The following FCHSD2 variants were observed in gnomAD, a reference collection of about 807,000 sequenced individuals.
FCHSD2 encodes the protein F-BAR and double SH3 domains protein 2.
FCHSD2 carries 38 observed loss-of-function variants against 108.1 expected under a neutral mutation model. That is an observed-to-expected ratio of 0.35 (90% CI 0.27 to 0.46). FCHSD2 has a LOEUF of 0.46. Ranked by LOEUF, FCHSD2 falls within the 20% of genes least tolerant of loss-of-function variation. The pLI is 1.00. For synonymous variants in FCHSD2, 279 were observed against 314.7 expected, an observed-to-expected ratio of 0.89 and a Z score of 1.20; for missense variants, 751 against 897.8, an observed-to-expected ratio of 0.84 and a Z score of 2.09.
At chr11:72,846,662 G>A (rs1386160688) in intron 14 of FCHSD2, among the ~76,000 whole-genome samples, 1 of 152,098 alleles carries the variant, frequency 6.6e-6, no homozygotes, top group African/African-American at 2.4e-5. Context: ...CTCTCATACT[G>A]TCTCCTTAAG....
intron 8 of FCHSD2, among the ~76,000 whole-genome samples, chr11:72,971,102 T>C (rs557767739): frequency 3.9e-5 from 6 of 152,266 alleles, no homozygotes; most frequent in Admixed American, 3.9e-4. Flanking sequence ...GCAAACTAAA[T>C]GCTGTTGTTT....
chr11:73,053,998 GA>G, intron 3 of FCHSD2, among the ~76,000 whole-genome samples: 1 of 152,216 alleles, frequency 6.6e-6, no homozygotes, highest in East Asian at 1.9e-4. Flanking sequence ...AATTTTAAGG[GA>G]AAAGGGGGGA....
At chr11:72,844,471 T>C (rs1861064127) in intron 14 of FCHSD2, among the ~76,000 whole-genome samples, 1 of 152,194 alleles carries the variant, frequency 6.6e-6, no homozygotes. Flanking sequence ...CTGCTAACCA[T>C]AATGGTTTTA....
rs570830672 is a variant in FCHSD2 at position 72,945,653 on chromosome 11, G to T, written c.706-23703C>A. Among the ~76,000 whole-genome samples, 15 of 152,220 alleles carry T rather than the reference G, an allele frequency of 9.9e-5. No individual in the cohort carries two copies. The South Asian group carries it at 2.9e-3, about 29-fold the overall frequency. On this transcript the variant is annotated intron_variant, in intron 8 of 19. Coordinates refer to ENST00000409418, the MANE Select transcript of FCHSD2 (RefSeq NM_014824.3). ...GAATATTTTTGCAATCTACTCATCTGACAAAGGGCTAATATCTAGAATCTA... is the reference window on the plus strand; with the variant it reads ...GAATATTTTTGCAATCTACTCATCTTACAAAGGGCTAATATCTAGAATCTA...
intron 2 of FCHSD2, among the ~76,000 whole-genome samples, chr11:73,084,446 G>A (rs368406708): frequency 9.2e-5 from 14 of 151,930 alleles, no homozygotes; most frequent in African/African-American, 2.9e-4. Flanking sequence ...GCTTGAGTGC[G>A]GCGGTGAGGT....
intron 8 of FCHSD2, among the ~76,000 whole-genome samples, chr11:72,935,221 G>C (rs777231959): frequency 1.3e-5 from 2 of 152,164 alleles, no homozygotes; most frequent in Non-Finnish European, 2.9e-5. Flanking sequence ...TGAAGAAGAA[G>C]ATTATGATGA....
Position 72,841,374 on chromosome 11 carries a change from G to GT in FCHSD2, c.2056+79dup, listed in dbSNP as rs201145516. ...AAAAAAAAAAAAAAAAGCAAATGCAGTTTTTTTTTGCCCTTCAGGCGAATA... is the reference window on the plus strand; with the variant it reads ...AAAAAAAAAAAAAAAAGCAAATGCAGTTTTTTTTTTGCCCTTCAGGCGAATA... On this transcript the variant is annotated intron_variant, in intron 18 of 19. Transcript: ENST00000409418. 7.3e-3 allele frequency: 5,491 copies of GT among 751,772 alleles called. 35 individuals are homozygous for GT. Among genetic ancestry groups the GT allele is most frequent in the East Asian group, 0.034 (911 of 26,506 alleles). The allele number at this position is 751,772 out of a possible 1,614,324, so 46.6% of individuals were successfully genotyped here. A position where few individuals can be genotyped will look rare whatever the true frequency, so the allele number is the denominator to read the frequency against.
chr11:72,846,175 T>C lies in FCHSD2; in HGVS notation c.1444-2643A>G, dbSNP rs558901959. ...TCATGATGAGTAAGCTGCTCCTCCT[T>C]TTGCTCTTTTTTTTTTTTTTTTTGA... On this transcript the variant is annotated intron_variant, in intron 14 of 19. Transcript: ENST00000409418. Among the ~76,000 whole-genome samples, 19 of 151,730 alleles carry C rather than the reference T, an allele frequency of 1.3e-4. No individual in the cohort carries two copies. In the East Asian group the frequency reaches 1.9e-3, roughly 15 times the overall value.
intron 8 of FCHSD2, among the ~76,000 whole-genome samples, chr11:72,947,372 A>G (rs1427999540): frequency 1.3e-5 from 2 of 152,218 alleles, no homozygotes; most frequent in Non-Finnish European, 2.9e-5. Context: ...TGGTTGATCT[A>G]CAAAAATCCA....
chr11:72,898,857 G>C (rs996137712), intron 10 of FCHSD2, among the ~76,000 whole-genome samples: 2 of 151,756 alleles, frequency 1.3e-5, no homozygotes, highest in African/African-American at 4.8e-5. Context: ...AGCTTCCTGA[G>C]TAGCAGGGAC....
chr11:72,857,136 G>C (rs1183833433), intron 13 of FCHSD2, among the ~76,000 whole-genome samples: 1 of 152,134 alleles, frequency 6.6e-6, no homozygotes, highest in Non-Finnish European at 1.5e-5. Flanking sequence ...CCCATGGAAG[G>C]CAGTAAGAAG....
chr11:73,005,543 C>T (rs1177517022), intron 4 of FCHSD2, among the ~76,000 whole-genome samples: 1 of 152,230 alleles, frequency 6.6e-6, no homozygotes, highest in Admixed American at 6.5e-5. Context: ...ATCTCACTGT[C>T]CCATAAATAC....
chr11:73,111,894 C>T (rs1860495059), intron 2 of FCHSD2, among the ~76,000 whole-genome samples: 1 of 152,138 alleles, frequency 6.6e-6, no homozygotes, highest in Admixed American at 6.5e-5. Context: ...ACACTTTTAA[C>T]TTTGTCCCCC....
chr11:72,951,228 A>C (rs1047804591), intron 8 of FCHSD2, among the ~76,000 whole-genome samples: 9 of 152,220 alleles, frequency 5.9e-5, no homozygotes, highest in Non-Finnish European at 8.8e-5. Flanking sequence ...TATCCTAATT[A>C]ATACAGGATT....
At chr11:72,956,691 G>T (rs1856717015) in intron 8 of FCHSD2, among the ~76,000 whole-genome samples, 1 of 152,050 alleles carries the variant, frequency 6.6e-6, no homozygotes, top group Admixed American at 6.5e-5. Context: ...CACTAATTTT[G>T]CCCTCATGAC....
chr11:73,037,588 C>T (rs1176263682), intron 3 of FCHSD2, among the ~76,000 whole-genome samples: 1 of 152,146 alleles, frequency 6.6e-6, no homozygotes, highest in Non-Finnish European at 1.5e-5. Flanking sequence ...ATATTCTTGT[C>T]GTCTTTAGAT....
intron 8 of FCHSD2, among the ~76,000 whole-genome samples, chr11:72,946,872 T>C (rs1856530755): frequency 1.3e-5 from 2 of 152,178 alleles, no homozygotes; most frequent in Non-Finnish European, 2.9e-5. Context: ...ACATTCATAT[T>C]CACAAGACTA....
intron 10 of FCHSD2, among the ~76,000 whole-genome samples, chr11:72,899,246 C>T (rs1855480022): frequency 6.6e-6 from 1 of 152,166 alleles, no homozygotes; most frequent in Non-Finnish European, 1.5e-5. Context: ...CATGTTGCTT[C>T]TCCCTCTTTG....
chr11:73,100,698 T>C (rs914938385), intron 2 of FCHSD2, among the ~76,000 whole-genome samples: 2 of 152,104 alleles, frequency 1.3e-5, no homozygotes, highest in African/African-American at 4.8e-5. Context: ...ATGACAGTCC[T>C]TAGGTAGGCA....
Sources: allele counts gnomAD v4.1 joint callset (sites outside exome capture counted in the v4.1 genomes callset), GRCh38; gene constraint gnomAD v4.1.1; transcripts MANE v1.5; gene names NCBI Gene and HGNC (gene_info 2026-07-23, HGNC 2026-07-21).